DSC2: variants seen among roughly 807,000 people sequenced by gnomAD.
DSC2 encodes the protein desmocollin-2.
DSC2 carries 51 observed loss-of-function variants against 87.6 expected under a neutral mutation model. The observed-to-expected ratio is 0.58, with a 90% CI of 0.46 to 0.74. The LOEUF is 0.74. Ranked by LOEUF, DSC2 falls within the 30% of genes least tolerant of loss-of-function variation. The pLI, the probability that DSC2 is intolerant of heterozygous loss-of-function variation, is 0.00. For synonymous variants in DSC2, 383 were observed against 393.2 expected, an observed-to-expected ratio of 0.97 and a Z score of 0.31; for missense variants, 1,066 against 1,089.5, an observed-to-expected ratio of 0.98 and a Z score of 0.30.
Position 31,074,927 on chromosome 18 carries a change from AAT to A in DSC2, c.1664-22_1664-21del, listed in dbSNP as rs765768850. 1.3e-6 allele frequency: 2 copies of A among 1,598,518 alleles called. No individual in the cohort carries two copies. Among genetic ancestry groups the A allele is most frequent in the East Asian group, 2.3e-5 (1 of 44,028 alleles). On this transcript the variant is annotated intron_variant, in intron 11 of 15. Coordinates refer to ENST00000280904, the MANE Select transcript of DSC2 (RefSeq NM_024422.6). The stretch of plus-strand genomic sequence containing the variant: ...TCCCTCCTAGAAAAATGAAAATAAA[AAT>A]AGTTTTTCTATGTTTTGAGTTTTCA...
intron 7 of DSC2, 125 bp from the exon 8 acceptor site, chr18:31,083,185 A>AT: frequency 1.9e-6 from 2 of 1,070,984 alleles, no homozygotes; most frequent in Non-Finnish European, 1.3e-6. Context: ...ATTTCACAGC[A>AT]TTCGTGTATT....
chr18:31,089,689 T>A, intron 4 of DSC2, 95 bp from the exon 5 acceptor site: 1 of 1,186,218 alleles, frequency 8.4e-7, no homozygotes, highest in Non-Finnish European at 1.2e-6. Context: ...TTTATTAGTT[T>A]AAATAATTGC....
chr18:31,073,403 ACG>A lies in DSC2; in HGVS notation c.1888+1278_1888+1279del, dbSNP rs1281694723. Among the ~76,000 whole-genome samples the A allele has an allele frequency of 4.0e-4, 57 of 141,952 alleles. 1 individual carries two copies. The highest frequency in any genetic ancestry group is 7.2e-4 in the Non-Finnish European group (46 of 63,872). 93.1% of individuals were successfully genotyped at this position (141,952 alleles called of 152,430 possible). On this transcript the variant is annotated intron_variant, in intron 12 of 15. Coordinates refer to ENST00000280904, the MANE Select transcript of DSC2 (RefSeq NM_024422.6). ...CACACACACACACACACACACACAC[ACG>A]CACACACAACAGAATATTGTTTAGA...
intron 9 of DSC2, among the ~76,000 whole-genome samples, 187 bp from the exon 10 acceptor site, chr18:31,080,539 G>C (rs1034726080): frequency 2.0e-5 from 3 of 152,176 alleles, no homozygotes; most frequent in Admixed American, 6.5e-5. Flanking sequence ...ATGTCAAATT[G>C]TAATTCCCAA....
Position 31,079,890 on chromosome 18 carries a change from G to C in DSC2, c.1620C>G (p.Ile540Met), listed in dbSNP as rs765374888. ...CTGTAATATTATATATGCCATTTTT[G>C]ATGGTCTCTGCCTCTCTATCCAGGC... ...FRSLDREAET[I>M]KNGIYNITVL... Residue 540 changes from isoleucine to methionine, a missense_variant, in exon 11 of 16, where the codon ATC (isoleucine) becomes ATG (methionine). By Grantham distance (10) the Ile-to-Met change is conservative. Coordinates refer to ENST00000280904, the MANE Select transcript of DSC2 (RefSeq NM_024422.6). 6.8e-6 allele frequency: 11 copies of C among 1,613,796 alleles called. No homozygotes were observed. In the East Asian group the frequency reaches 2.2e-4, roughly 33 times the overall value.
At chr18:31,080,632 C>G (rs943367588) in intron 9 of DSC2, among the ~76,000 whole-genome samples, 6 of 152,118 alleles carry the variant, frequency 3.9e-5, no homozygotes, top group African/African-American at 1.4e-4. Flanking sequence ...TGAGTTCTCA[C>G]AAGATCTGGT....
intron 7 of DSC2, among the ~76,000 whole-genome samples, chr18:31,084,766 T>C (rs957878842): frequency 6.6e-6 from 1 of 152,008 alleles, no homozygotes; most frequent in African/African-American, 2.4e-5. Flanking sequence ...AGTTAATCTG[T>C]CACTTCAGGG....
In DSC2 at chr18:31,083,014, C is replaced by A. The variant is rs745545099; in HGVS notation, c.989G>T (p.Gly330Val). The change falls in exon 8 of 16, where the codon GGT (glycine) becomes GTT (valine). Residue 330 changes from glycine to valine, a missense_variant. Coordinates refer to ENST00000280904, the MANE Select transcript of DSC2 (RefSeq NM_024422.6). ...QLKIKVQDMDGQYFGLQTTST... is the reference protein window; with the variant it reads ...QLKIKVQDMDVQYFGLQTTST... ...AGTTGTCTGTAGACCAAAATACTGA[C>A]CATCCATGTCTTGTACTTTTATTTT... 2 of 1,613,230 alleles carry A rather than the reference C, an allele frequency of 1.2e-6. No individual in the cohort carries two copies. Among genetic ancestry groups the A allele is most frequent in the Non-Finnish European group, 1.7e-6 (2 of 1,179,794 alleles).
chr18:31,082,346 A>G lies in DSC2; in HGVS notation c.1155T>C (p.Asn385=). ...TATAATTAGCTCTCCAGTTAGCAGT[A>G]TTCACTAAGTCCTTATCCTCAACAG... ...RVTVEDKDLV[N]TANWRANYTI... is the part of the protein sequence containing the mutation. The change falls in exon 9 of 16, where the codon AAT becomes AAC. Residue 385 remains asparagine (N), a synonymous_variant. Transcript: ENST00000280904. The G allele has an allele frequency of 6.2e-7, 1 of 1,613,982 alleles. No individual in the cohort carries two copies.
At chr18:31,097,444 C>A (rs1987797853) in intron 1 of DSC2, among the ~76,000 whole-genome samples, 1 of 151,596 alleles carries the variant, frequency 6.6e-6, no homozygotes, top group Admixed American at 6.6e-5. Flanking sequence ...AGACAAAAAT[C>A]AACAACGTAT....
rs1444507851 is a variant in DSC2, at chr18:31,059,257, A to G, written c.*8758T>C. ...ATTTAATTGGTTTAAACTTGCATTCATTATGCAAACTTTGCTTGAAATATT... is the reference window on the plus strand; with the variant it reads ...ATTTAATTGGTTTAAACTTGCATTCGTTATGCAAACTTTGCTTGAAATATT... On this transcript the variant is annotated 3_prime_UTR_variant, in exon 16 of 16. Coordinates refer to ENST00000280904, the MANE Select transcript of DSC2 (RefSeq NM_024422.6). The G allele has an allele frequency of 6.6e-6, 1 of 152,242 alleles. No individual in the cohort carries two copies. Among genetic ancestry groups the G allele is most frequent in the African/African-American group, 2.4e-5 (1 of 41,472 alleles). 9.4% of individuals were successfully genotyped at this position (152,242 alleles called of 1,614,324 possible). A position where few individuals can be genotyped will look rare whatever the true frequency, so the allele number is the denominator to read the frequency against.
intron 11 of DSC2, among the ~76,000 whole-genome samples, chr18:31,079,278 G>C (rs1357123929): frequency 6.6e-6 from 1 of 152,096 alleles, no homozygotes; most frequent in African/African-American, 2.4e-5. Flanking sequence ...TTTTGAGACA[G>C]AGTCTTACTC....
chr18:31,098,594 A>C (rs1452108760), intron 1 of DSC2, among the ~76,000 whole-genome samples: 1 of 151,730 alleles, frequency 6.6e-6, no homozygotes, highest in Admixed American at 6.6e-5. Context: ...AGATGGGATT[A>C]TAGGTATGCA....
intron 7 of DSC2, 26 bp downstream of exon 7, chr18:31,086,550 T>C (rs1309626495): frequency 1.2e-6 from 2 of 1,613,792 alleles, no homozygotes; most frequent in Non-Finnish European, 1.7e-6. Context: ...CACGTTATAA[T>C]CAGGTTTTAT....
chr18:31,059,959 T>C lies in DSC2; in HGVS notation c.*8056A>G, dbSNP rs1986469449. The C allele has an allele frequency of 6.6e-6, 1 of 152,180 alleles. No homozygotes were observed. Among genetic ancestry groups the C allele is most frequent in the Non-Finnish European group, 1.5e-5 (1 of 68,022 alleles). The allele number at this position is 152,180 out of a possible 1,614,324, so 9.4% of individuals were successfully genotyped here. A position where few individuals can be genotyped will look rare whatever the true frequency, so the allele number is the denominator to read the frequency against. On this transcript the variant is annotated 3_prime_UTR_variant, in exon 16 of 16. Transcript: ENST00000280904. ...ATAATTTATTCCTAATTTGTCCTTA[T>C]TTGATATGCTAGAAATTTGAGGTTT...
chr18:31,101,504 G>A (rs143401773), intron 1 of DSC2: 1 of 65,754 alleles, frequency 1.5e-5, no homozygotes, highest in Non-Finnish European at 2.7e-5. Context: ...GGTGCCAGAG[G>A]CCAGCTGGAC....
Position 31,102,073 on chromosome 18 carries a change from A to T in DSC2, c.-102T>A. The T allele has an allele frequency of 9.5e-7, 1 of 1,050,902 alleles. No homozygotes were observed. The highest frequency in any genetic ancestry group is 1.3e-6 in the Non-Finnish European group (1 of 786,684). 65.1% of individuals were successfully genotyped at this position (1,050,902 alleles called of 1,614,324 possible). A position where few individuals can be genotyped will look rare whatever the true frequency, so the allele number is the denominator to read the frequency against. On this transcript the variant is annotated 5_prime_UTR_variant, in exon 1 of 16. Coordinates refer to ENST00000280904, the MANE Select transcript of DSC2 (RefSeq NM_024422.6). ...GGAGCGCAGTCTGGGCCCGCTGCTC[A>T]GGAGGAGCGCGAGGCGGAGGAGGTG... is the stretch of plus-strand genomic sequence containing the variant.
intron 1 of DSC2, among the ~76,000 whole-genome samples, chr18:31,095,752 A>G (rs1053313890): frequency 2.0e-5 from 3 of 152,154 alleles, no homozygotes; most frequent in Admixed American, 6.5e-5. Flanking sequence ...TTGTAATTTC[A>G]ACAAAGTAAG....
chr18:31,068,705 TAGG>T (rs1986714175), intron 15 of DSC2, among the ~76,000 whole-genome samples, 186 bp downstream of exon 15: 1 of 152,014 alleles, frequency 6.6e-6, no homozygotes, highest in African/African-American at 2.4e-5. Flanking sequence ...ATTAAAAAAA[TAGG>T]AGGGGAAGTA....
Sources: allele counts gnomAD v4.1 joint callset (sites outside exome capture counted in the v4.1 genomes callset), GRCh38; gene constraint gnomAD v4.1.1; transcripts MANE v1.5; gene names NCBI Gene and HGNC (gene_info 2026-07-23, HGNC 2026-07-21).